The following SLC30A7 variants were observed in gnomAD, a reference collection of about 807,000 sequenced individuals.
The protein encoded by SLC30A7 is zinc transporter 7.
Under a neutral mutation model 46.0 loss-of-function variants are expected in SLC30A7, and 35 were observed. The observed-to-expected ratio is 0.76, with a 90% confidence interval of 0.58 to 1.01. SLC30A7 has a LOEUF of 1.01. Ranked by LOEUF, SLC30A7 falls within the 50% of genes least tolerant of loss-of-function variation. SLC30A7 has a pLI of 0.00. For synonymous variants in SLC30A7, 147 were observed against 157.8 expected (o/e 0.93, Z 0.51); for missense variants, 464 against 451.1 (o/e 1.03, Z -0.26).
chr1:100,905,377 G>A (rs989978090), intron 2 of SLC30A7, among the ~76,000 whole-genome samples: 1 of 151,942 alleles, frequency 6.6e-6, no homozygotes, highest in Admixed American at 6.6e-5. Flanking sequence ...TTTGTGACGT[G>A]TGGAGGGTTT....
chr1:100,948,800 C>T (rs1423570652), intron 8 of SLC30A7, among the ~76,000 whole-genome samples: 1 of 152,178 alleles, frequency 6.6e-6, no homozygotes, highest in Non-Finnish European at 1.5e-5. Context: ...TCTTTAATCA[C>T]TGATACCCTT....
intron 6 of SLC30A7, among the ~76,000 whole-genome samples, chr1:100,916,095 C>T (rs1310944794): frequency 6.6e-6 from 1 of 151,254 alleles, no homozygotes; most frequent in Non-Finnish European, 1.5e-5. Flanking sequence ...CTATTTTATT[C>T]CTTCGGCCAT....
chr1:100,975,110 G>A lies in SLC30A7; in HGVS notation c.*253G>A. On this transcript the variant is annotated 3_prime_UTR_variant, in exon 11 of 11. Transcript: ENST00000357650. ...CCTCCAAATCTTTTTGACTTCTGAG[G>A]TTTTTAGCTTAGGATGTTAATTTGT... 2.8e-6 allele frequency: 1 copy of A among 355,436 alleles called. No homozygotes were observed. 22.0% of individuals were successfully genotyped at this position (355,436 alleles called of 1,614,324 possible).
rs555843572 is a variant in SLC30A7, at chr1:100,901,726, G to A, written c.182+5055G>A. Among the ~76,000 whole-genome samples the A allele has an allele frequency of 3.2e-4, 48 of 152,292 alleles. No homozygotes were observed. The East Asian group carries it at 8.7e-3, about 28-fold the overall frequency. ...CCGGAAGTGCTGGGATTATAGGCAC[G>A]AGCCACTGCACCCGGCTGGTTTTCC... On this transcript the variant is annotated intron_variant, in intron 2 of 10. Coordinates refer to ENST00000357650, the MANE Select transcript of SLC30A7 (RefSeq NM_133496.5).
At chr1:100,904,368 G>GT (rs1319768204) in intron 2 of SLC30A7, among the ~76,000 whole-genome samples, 1 of 152,052 alleles carries the variant, frequency 6.6e-6, no homozygotes, top group African/African-American at 2.4e-5. Context: ...CCATTTGATT[G>GT]TTTTTTATAT....
downstream of SLC30A7, among the ~76,000 whole-genome samples, chr1:100,984,094 C>T (rs773004162): frequency 2.6e-5 from 4 of 152,160 alleles, no homozygotes; most frequent in Non-Finnish European, 5.9e-5. Flanking sequence ...CCACTGGCTT[C>T]CAAAAGCTTT....
At chr1:100,896,458 G>C in intron 1 of SLC30A7, 112 bp from the exon 2 acceptor site, 1 of 1,432,866 alleles carries the variant, frequency 7.0e-7, no homozygotes, top group Non-Finnish European at 9.8e-7. Context: ...TCAACCCCTA[G>C]CTGTGAAGAA....
At chr1:100,908,977 G>A (rs1294342481) in intron 3 of SLC30A7, among the ~76,000 whole-genome samples, 1 of 151,748 alleles carries the variant, frequency 6.6e-6, no homozygotes, top group Admixed American at 6.6e-5. Flanking sequence ...TTAATGTTCA[G>A]CTTTAGCTAG....
chr1:100,902,668 A>C (rs1474400525), intron 2 of SLC30A7, among the ~76,000 whole-genome samples: 1 of 152,210 alleles, frequency 6.6e-6, no homozygotes, highest in Non-Finnish European at 1.5e-5. Flanking sequence ...TTGGTTTTCT[A>C]GTAATCTTGG....
At chr1:100,954,301 C>T (rs1435479981) in intron 8 of SLC30A7, among the ~76,000 whole-genome samples, 1 of 152,066 alleles carries the variant, frequency 6.6e-6, no homozygotes, top group Non-Finnish European at 1.5e-5. Flanking sequence ...TAACAAAGAA[C>T]AAGTTATTTT....
At chr1:100,930,978 A>G (rs1205496354) in intron 8 of SLC30A7, among the ~76,000 whole-genome samples, 1 of 152,112 alleles carries the variant, frequency 6.6e-6, no homozygotes, top group African/African-American at 2.4e-5. Flanking sequence ...TATCTAGAAA[A>G]TTACAGTTAT....
chr1:100,966,365 C>T (rs138323519), intron 10 of SLC30A7, among the ~76,000 whole-genome samples: 3,623 of 151,510 alleles, frequency 0.024, 136 homozygotes, highest in African/African-American at 0.08. Context: ...AGGTGGATCA[C>T]GAGGTCAGGA....
chr1:100,912,064 A>T (rs1652136781), intron 4 of SLC30A7, 48 bp from the exon 5 acceptor site: 1 of 1,534,650 alleles, frequency 6.5e-7, no homozygotes, highest in African/African-American at 1.4e-5. Flanking sequence ...TTAGTTGATC[A>T]ATCAGAAATA....
intron 7 of SLC30A7, among the ~76,000 whole-genome samples, chr1:100,918,989 G>A (rs759544906): frequency 8.5e-5 from 13 of 152,144 alleles, no homozygotes; most frequent in Non-Finnish European, 1.6e-4. Flanking sequence ...ATTTTAAGTC[G>A]AGGACTGTCT....
At chr1:100,928,882 T>G (rs1653487564) in intron 8 of SLC30A7, among the ~76,000 whole-genome samples, 1 of 152,160 alleles carries the variant, frequency 6.6e-6, no homozygotes, top group African/African-American at 2.4e-5. Context: ...TCAGAGAGCA[T>G]TCACAGGTTT....
chr1:100,930,497 A>G (rs1653599931), intron 8 of SLC30A7, among the ~76,000 whole-genome samples: 1 of 152,042 alleles, frequency 6.6e-6, no homozygotes, highest in South Asian at 2.1e-4. Flanking sequence ...CCCTGTACTG[A>G]TTTTGATAAA....
intron 2 of SLC30A7, among the ~76,000 whole-genome samples, chr1:100,903,864 C>T (rs978336268): frequency 6.6e-6 from 1 of 151,976 alleles, no homozygotes; most frequent in Non-Finnish European, 1.5e-5. Flanking sequence ...TGTAGCACTT[C>T]CAACTGATGA....
At chr1:100,915,237 CT>C (rs1462899757) in intron 6 of SLC30A7, among the ~76,000 whole-genome samples, 6 of 79,612 alleles carry the variant, frequency 7.5e-5, no homozygotes, top group African/African-American at 2.5e-4. Flanking sequence ...TTCTTTCTTT[CT>C]TTCTTTCTTT....
chr1:100,901,051 C>T (rs1459729694), intron 2 of SLC30A7, among the ~76,000 whole-genome samples: 2 of 152,312 alleles, frequency 1.3e-5, no homozygotes, highest in East Asian at 3.9e-4. Flanking sequence ...AAAGCAGACA[C>T]AAGATGTAAT....
Sources: allele counts gnomAD v4.1 joint callset (sites outside exome capture counted in the v4.1 genomes callset), GRCh38; gene constraint gnomAD v4.1.1; transcripts MANE v1.5; gene names NCBI Gene and HGNC (gene_info 2026-07-23, HGNC 2026-07-21).